AGBL4: variants seen among roughly 807,000 people sequenced by gnomAD.
The protein encoded by AGBL4 is cytosolic carboxypeptidase 6.
In AGBL4, 58 loss-of-function variants were observed where a neutral mutation model predicts 66.4. That is an observed-to-expected ratio of 0.87 (90% CI 0.71 to 1.09). The LOEUF (loss-of-function observed/expected upper bound fraction) is 1.09. AGBL4 is among the 50% of genes least tolerant of loss of function. The pLI is 0.00. For missense variants in AGBL4, 579 were observed against 631.0 expected (o/e 0.92, Z 0.88); for synonymous variants, 234 against 222.9 (o/e 1.05, Z -0.44).
chr1:49,506,423 G>A (rs1648692393), intron 3 of AGBL4, among the ~76,000 whole-genome samples: 2 of 152,052 alleles, frequency 1.3e-5, no homozygotes, highest in South Asian at 4.1e-4. Context: ...CATGTTGTGG[G>A]AGGGACCCAG....
intron 9 of AGBL4, among the ~76,000 whole-genome samples, chr1:48,603,134 GTGGGCAAAAGCCCC>G (rs1337866665): frequency 6.6e-6 from 1 of 152,186 alleles, no homozygotes; most frequent in Admixed American, 6.5e-5. Context: ...GAGGGAGCCT[GTGGGCAAAAGCCCC>G]AAGCCTAAAA....
intron 6 of AGBL4, among the ~76,000 whole-genome samples, chr1:48,750,745 A>T (rs1049849776): frequency 6.6e-6 from 1 of 152,228 alleles, no homozygotes; most frequent in Admixed American, 6.5e-5. Flanking sequence ...GAAGGCAGTG[A>T]GTGAGCTTCT....
At chr1:49,612,743 G>A (rs1645178063) in intron 3 of AGBL4, among the ~76,000 whole-genome samples, 1 of 152,182 alleles carries the variant, frequency 6.6e-6, no homozygotes, top group Non-Finnish European at 1.5e-5. Flanking sequence ...TGCTGCCAAG[G>A]TTGTGGAGAA....
intron 3 of AGBL4, among the ~76,000 whole-genome samples, chr1:49,456,042 A>G (rs1646381410): frequency 6.6e-6 from 1 of 151,802 alleles, no homozygotes; most frequent in Non-Finnish European, 1.5e-5. Flanking sequence ...CCTACTGGCT[A>G]ACATTCAAAT....
intron 3 of AGBL4, among the ~76,000 whole-genome samples, chr1:49,378,097 G>C (rs905769440): frequency 6.6e-6 from 1 of 151,714 alleles, no homozygotes; most frequent in South Asian, 2.1e-4. Flanking sequence ...CAAACTTCCT[G>C]TCTGGCCCTG....
chr1:49,654,077 A>G (rs1646066501), intron 3 of AGBL4, among the ~76,000 whole-genome samples: 3 of 152,168 alleles, frequency 2.0e-5, no homozygotes, highest in Admixed American at 2.0e-4. Context: ...CCAGAGAGAA[A>G]GGCCAGGTCA....
At chr1:48,664,664 G>A (rs1646158189) in intron 6 of AGBL4, among the ~76,000 whole-genome samples, 1 of 152,218 alleles carries the variant, frequency 6.6e-6, no homozygotes, top group Non-Finnish European at 1.5e-5. Flanking sequence ...GTAGGAAAAT[G>A]TGGCTCCAAA....
chr1:48,530,596 C>T (rs1478326312), downstream of AGBL4, among the ~76,000 whole-genome samples: 1 of 152,176 alleles, frequency 6.6e-6, no homozygotes, highest in African/African-American at 2.4e-5. Context: ...AACATTATCA[C>T]CAACCTCCTC....
intron 1 of AGBL4, among the ~76,000 whole-genome samples, chr1:49,904,646 T>C (rs556002117): frequency 1.5e-4 from 23 of 152,320 alleles, no homozygotes; most frequent in South Asian, 8.3e-4. Flanking sequence ...CATCCATGTA[T>C]AGCATAATCA....
At chr1:48,843,045 A>C (rs1362680648) in intron 6 of AGBL4, among the ~76,000 whole-genome samples, 2 of 152,150 alleles carry the variant, frequency 1.3e-5, no homozygotes, top group African/African-American at 4.8e-5. Context: ...GCTGTTGTTT[A>C]ATGAGTGTAT....
intron 4 of AGBL4, among the ~76,000 whole-genome samples, chr1:49,110,846 C>T (rs895542375): frequency 6.6e-6 from 1 of 152,124 alleles, no homozygotes; most frequent in African/African-American, 2.4e-5. Context: ...CTTGATTTTC[C>T]TCCTACCTCT....
chr1:49,970,403 C>T (rs918141152), intron 1 of AGBL4, among the ~76,000 whole-genome samples: 12 of 151,758 alleles, frequency 7.9e-5, no homozygotes, highest in Admixed American at 4.6e-4. Context: ...AACTCAATAG[C>T]GAAAAAACAA....
At chr1:49,659,492 T>C (rs886316164) in intron 3 of AGBL4, among the ~76,000 whole-genome samples, 1 of 152,000 alleles carries the variant, frequency 6.6e-6, no homozygotes, top group Admixed American at 6.6e-5. Context: ...AAAGCAGAAG[T>C]TGCAGTCCAC....
Position 49,968,854 on chromosome 1 carries a change from C to T in AGBL4, c.34+54909G>A, listed in dbSNP as rs548519086. ...AAAAAGGAGCCTTAGTCTCTCATGG[C>T]AAAGTGACACTGTATAACTAGCTCT... On this transcript the variant is annotated intron_variant, in intron 1 of 13. Transcript: ENST00000371839. Among the ~76,000 whole-genome samples, 44 of 152,288 alleles carry T rather than the reference C, an allele frequency of 2.9e-4. 2 individuals carry two copies. In the South Asian group the frequency reaches 8.7e-3, roughly 30 times the overall value.
chr1:49,600,007 G>A (rs930933696), intron 3 of AGBL4, among the ~76,000 whole-genome samples: 1 of 152,158 alleles, frequency 6.6e-6, no homozygotes, highest in Admixed American at 6.5e-5. Context: ...TTTCACATTT[G>A]CTGAGGAGTG....
chr1:48,541,727 C>T (rs1399464560), intron 11 of AGBL4, among the ~76,000 whole-genome samples: 6 of 152,100 alleles, frequency 3.9e-5, no homozygotes, highest in Non-Finnish European at 2.9e-5. Flanking sequence ...CAGGATCGCA[C>T]CATTGCATTC....
chr1:49,036,842 CCTGA>C (rs888875420), intron 5 of AGBL4, among the ~76,000 whole-genome samples: 9 of 151,190 alleles, frequency 6.0e-5, no homozygotes, highest in African/African-American at 1.9e-4. Context: ...TCTTTATAGG[CCTGA>C]CTATGAGCTA....
chr1:49,440,980 C>G (rs1476574928), intron 3 of AGBL4, among the ~76,000 whole-genome samples: 2 of 152,148 alleles, frequency 1.3e-5, no homozygotes, highest in East Asian at 3.9e-4. Flanking sequence ...ATCAGCCTTT[C>G]CACCTTTGTC....
At chr1:49,664,523 A>C (rs1243376060) in intron 3 of AGBL4, among the ~76,000 whole-genome samples, 1 of 152,090 alleles carries the variant, frequency 6.6e-6, no homozygotes, top group African/African-American at 2.4e-5. Context: ...CCTGGTTAAT[A>C]TTTCAAGAAC....
Sources: allele counts gnomAD v4.1 joint callset (sites outside exome capture counted in the v4.1 genomes callset), GRCh38; gene constraint gnomAD v4.1.1; transcripts MANE v1.5; gene names NCBI Gene and HGNC (gene_info 2026-07-23, HGNC 2026-07-21).